The following CRADD variants were observed in gnomAD, a reference collection of about 807,000 sequenced individuals.
CRADD encodes the protein CARD and death domain containing adaptor protein.
CRADD carries 9 observed loss-of-function variants against 15.5 expected under a neutral mutation model. The ratio of observed to expected loss-of-function variants is 0.58; its 90% confidence interval spans 0.35 to 1.01. The LOEUF (loss-of-function observed/expected upper bound fraction) is 1.01. Among genes scored for constraint, CRADD ranks in the 50% least tolerant of loss-of-function variants. The pLI is 0.02. For synonymous variants in CRADD, 118 were observed against 107.6 expected (o/e 1.10, Z -0.60); for missense variants, 227 against 250.3 (o/e 0.91, Z 0.63).
At chr12:93,798,209 AC>A (rs1957441339) in intron 2 of CRADD, among the ~76,000 whole-genome samples, 1 of 152,160 alleles carries the variant, frequency 6.6e-6, no homozygotes, top group Admixed American at 6.5e-5. Context: ...AGGAAATGAT[AC>A]CTTTCTTGAA....
chr12:93,836,040 C>T (rs1431628882), intron 2 of CRADD: 1 of 152,180 alleles, frequency 6.6e-6, no homozygotes, highest in African/African-American at 2.4e-5. Flanking sequence ...GTAGGCCACC[C>T]TATAATGCCT....
chr12:93,857,049 A>G (rs185453406), intron 2 of CRADD, among the ~76,000 whole-genome samples: 1 of 152,304 alleles, frequency 6.6e-6, no homozygotes, highest in Admixed American at 6.5e-5. Flanking sequence ...TGTCTATTAA[A>G]CTTATGCAAA....
At chr12:93,865,823 T>C (rs1319804459) in intron 2 of CRADD, among the ~76,000 whole-genome samples, 2 of 95,884 alleles carry the variant, frequency 2.1e-5, no homozygotes, top group African/African-American at 7.7e-5. Context: ...GTTGTATTGT[T>C]ATTTTTTTCA....
chr12:93,848,220 TC>T (rs1298949052), intron 2 of CRADD, among the ~76,000 whole-genome samples: 12 of 152,298 alleles, frequency 7.9e-5, no homozygotes, highest in Middle Eastern at 3.4e-3. Flanking sequence ...CAACTATTGA[TC>T]AGTAGTGTCA....
intron 2 of CRADD, among the ~76,000 whole-genome samples, chr12:93,747,417 C>A (rs965706663): frequency 6.6e-6 from 1 of 151,746 alleles, no homozygotes; most frequent in African/African-American, 2.4e-5. Context: ...CTCCCTTATT[C>A]ATTTCCCTAC....
intron 2 of CRADD, among the ~76,000 whole-genome samples, chr12:93,704,716 A>G (rs60674636): frequency 0.028 from 4,266 of 152,170 alleles, 131 homozygotes; most frequent in East Asian, 0.086. Context: ...AGAGCTCCTC[A>G]CCAGGGCCCA....
chr12:93,818,222 T>G (rs574240203), intron 2 of CRADD, among the ~76,000 whole-genome samples: 9 of 152,344 alleles, frequency 5.9e-5, no homozygotes, highest in African/African-American at 2.2e-4. Flanking sequence ...AGAGCCAGAC[T>G]ATTATCTGAA....
intron 2 of CRADD, chr12:93,831,027 A>G (rs1957892099): frequency 6.6e-6 from 1 of 152,216 alleles, no homozygotes; most frequent in Non-Finnish European, 1.5e-5. Context: ...GAATTCACTA[A>G]TAAAATTCTT....
intron 2 of CRADD, among the ~76,000 whole-genome samples, chr12:93,847,605 ACAACAG>A (rs150759394): frequency 0.054 from 8,228 of 151,872 alleles, 257 homozygotes; most frequent in Admixed American, 0.1. Flanking sequence ...AAGAACAGTA[ACAACAG>A]CAACAACAAC....
intron 2 of CRADD, among the ~76,000 whole-genome samples, chr12:93,732,894 A>G (rs1340761530): frequency 6.6e-6 from 1 of 152,200 alleles, no homozygotes; most frequent in Non-Finnish European, 1.5e-5. Context: ...AGATTTTCAT[A>G]ATAATATGTA....
At chr12:93,782,471 A>T (rs1314424749) in intron 2 of CRADD, among the ~76,000 whole-genome samples, 1 of 152,076 alleles carries the variant, frequency 6.6e-6, no homozygotes, top group Non-Finnish European at 1.5e-5. Context: ...GTGCACATGT[A>T]CCTTAAAACT....
At chr12:93,818,050 A>G (rs1390374112) in intron 2 of CRADD, among the ~76,000 whole-genome samples, 1 of 152,220 alleles carries the variant, frequency 6.6e-6, no homozygotes, top group Non-Finnish European at 1.5e-5. Context: ...CCCAGAGCAG[A>G]TCAGGCTCGG....
chr12:93,693,333 T>C (rs920835435), intron 2 of CRADD, among the ~76,000 whole-genome samples: 1 of 152,108 alleles, frequency 6.6e-6, no homozygotes, highest in East Asian at 1.9e-4. Context: ...CCCAACTATA[T>C]GCCATCCACA....
chr12:93,827,234 C>T (rs1221086818), intron 2 of CRADD, among the ~76,000 whole-genome samples: 3 of 152,156 alleles, frequency 2.0e-5, no homozygotes, highest in African/African-American at 4.8e-5. Context: ...TCCCATCACC[C>T]CCATCTCCAG....
chr12:93,838,168 A>G (rs1252938006), intron 2 of CRADD: 3 of 150,152 alleles, frequency 2.0e-5, no homozygotes, highest in Non-Finnish European at 3.0e-5. Context: ...GTGATTATCT[A>G]TCAGAACAAG....
At chr12:93,872,979 T>A (rs1166331340) in intron 2 of CRADD, among the ~76,000 whole-genome samples, 1 of 152,166 alleles carries the variant, frequency 6.6e-6, no homozygotes, top group Admixed American at 6.5e-5. Context: ...TTGCATCGAA[T>A]CTGTAGATTG....
rs890326395 is a variant in CRADD, at chr12:93,689,502, T to G, written c.298+10430T>G. Among the ~76,000 whole-genome samples, 5 of 152,282 alleles carry G rather than the reference T, an allele frequency of 3.3e-5. No homozygotes were observed. The South Asian group carries it at 1.0e-3, about 32-fold the overall frequency. ...TGTTTTTTCCAACAGTAAATTTTAA[T>G]TGAAAAGGAATGTAGTTTCTAGAAG... is the stretch of plus-strand genomic sequence containing the variant. On this transcript the variant is annotated intron_variant, in intron 2 of 2. Coordinates refer to ENST00000332896, the MANE Select transcript of CRADD (RefSeq NM_003805.5).
At chr12:93,765,839 TTTTA>T (rs1474826677) in intron 2 of CRADD, among the ~76,000 whole-genome samples, 1 of 130,772 alleles carries the variant, frequency 7.6e-6, no homozygotes, top group Non-Finnish European at 1.7e-5. Context: ...GCTGAGAATG[TTTTA>T]TTAAGTTTTT....
intron 2 of CRADD, among the ~76,000 whole-genome samples, chr12:93,865,290 C>G (rs1481179260): frequency 6.6e-6 from 1 of 152,250 alleles, no homozygotes; most frequent in African/African-American, 2.4e-5. Flanking sequence ...CATACTGGTA[C>G]AGTCCTCCCT....
Sources: allele counts gnomAD v4.1 joint callset (sites outside exome capture counted in the v4.1 genomes callset), GRCh38; gene constraint gnomAD v4.1.1; transcripts MANE v1.5; gene names NCBI Gene and HGNC (gene_info 2026-07-23, HGNC 2026-07-21).